Variants in RNF13 observed in about 807,000 individuals in gnomAD.
RNF13 encodes ring finger protein 13.
RNF13 carries 19 observed loss-of-function variants against 37.7 expected under a neutral mutation model. The ratio of observed to expected loss-of-function variants is 0.50; its 90% CI spans 0.35 to 0.74. The LOEUF (loss-of-function observed/expected upper bound fraction) is 0.74, where lower values mean the gene tolerates loss of function less well. RNF13 is among the 30% of genes least tolerant of loss of function. The pLI is 0.01. For missense variants in RNF13, 375 were observed against 453.0 expected, an observed-to-expected ratio of 0.83 and a Z score of 1.56; for synonymous variants, 144 against 157.8, an observed-to-expected ratio of 0.91 and a Z score of 0.65.
intron 3 of RNF13, among the ~76,000 whole-genome samples, chr3:149,858,773 AT>A (rs1432377246): frequency 1.3e-5 from 2 of 152,190 alleles, no homozygotes; most frequent in Admixed American, 6.5e-5. Flanking sequence ...TGTATAATTT[AT>A]TTCCCCTCAT....
chr3:149,863,086 C>T (rs1450202600), intron 3 of RNF13, among the ~76,000 whole-genome samples: 1 of 152,214 alleles, frequency 6.6e-6, no homozygotes, highest in Non-Finnish European at 1.5e-5. Flanking sequence ...ACTATCCCTT[C>T]TTGCCAGTTG....
intron 3 of RNF13, among the ~76,000 whole-genome samples, chr3:149,869,765 T>C (rs945933739): frequency 1.3e-5 from 2 of 151,924 alleles, no homozygotes; most frequent in Non-Finnish European, 2.9e-5. Context: ...TCTGTTCTTC[T>C]CTGTCTGGCT....
chr3:149,900,836 T>TGTGTGC (rs757063464), intron 5 of RNF13, among the ~76,000 whole-genome samples: 49 of 152,152 alleles, frequency 3.2e-4, no homozygotes, highest in Non-Finnish European at 5.9e-4. Flanking sequence ...TGTGCGCGCA[T>TGTGTGC]GTGTGCGTGT....
intron 5 of RNF13, among the ~76,000 whole-genome samples, chr3:149,899,209 G>A (rs1253114369): frequency 6.6e-6 from 1 of 152,200 alleles, no homozygotes; most frequent in Non-Finnish European, 1.5e-5. Flanking sequence ...ACTTTGGGAG[G>A]CCAAGGCGGG....
At chr3:149,898,277 A>G (rs190808614) in intron 5 of RNF13, among the ~76,000 whole-genome samples, 28 of 152,254 alleles carry the variant, frequency 1.8e-4, no homozygotes, top group Admixed American at 5.9e-4. Context: ...AACCAGGTCA[A>G]GTTGTTAATA....
chr3:149,853,155 T>G (rs1197330294), intron 3 of RNF13, among the ~76,000 whole-genome samples: 1 of 152,152 alleles, frequency 6.6e-6, no homozygotes, highest in Non-Finnish European at 1.5e-5. Flanking sequence ...GTCTAGTTTT[T>G]ACTATTACAG....
At chr3:149,954,379 C>T (rs1721651759) in intron 8 of RNF13, among the ~76,000 whole-genome samples, 1 of 151,956 alleles carries the variant, frequency 6.6e-6, no homozygotes, top group African/African-American at 2.4e-5. Context: ...TTAGGGGACT[C>T]TATAACATTT....
chr3:149,848,688 G>C (rs1349229544), intron 2 of RNF13, among the ~76,000 whole-genome samples: 1 of 152,144 alleles, frequency 6.6e-6, no homozygotes, highest in East Asian at 1.9e-4. Context: ...AATGCCAGAT[G>C]CCTTTGATTT....
chr3:149,850,009 T>C (rs1459007990), intron 2 of RNF13, among the ~76,000 whole-genome samples: 10 of 151,814 alleles, frequency 6.6e-5, no homozygotes, highest in Admixed American at 6.6e-4. Flanking sequence ...AGATGGAGTC[T>C]TGCTGTGTTG....
intron 9 of RNF13, among the ~76,000 whole-genome samples, chr3:149,960,341 CA>C (rs201550577): frequency 0.017 from 2,577 of 152,174 alleles, 77 homozygotes; most frequent in African/African-American, 0.058. Flanking sequence ...CCTGTAATCC[CA>C]GCACTTTGGG....
rs535910863 is a variant in RNF13, at chr3:149,889,408, G to A, written c.322-6065G>A. Among the ~76,000 whole-genome samples the A allele has an allele frequency of 4.8e-5, 7 of 147,364 alleles. No homozygotes were observed. The South Asian group carries it at 8.8e-4, about 19-fold the overall frequency. ...CAACCTCCACCTCCTGGATTCAAACGATTCTCCTGCCTCAACCTCCCAAGT... is the reference window on the plus strand; with the variant it reads ...CAACCTCCACCTCCTGGATTCAAACAATTCTCCTGCCTCAACCTCCCAAGT... On this transcript the variant is annotated intron_variant, in intron 4 of 9. Transcript: ENST00000392894.
In RNF13 at chr3:149,846,116, G is replaced by C. The variant is rs1559903080; in HGVS notation, c.90G>C (p.Leu30=). ...AGCTCTTTGCATTCTTAAACCTACTGCCTGTAGAAGCAGACATTTTAGCAG... is the reference window on the plus strand; with the variant it reads ...AGCTCTTTGCATTCTTAAACCTACTCCCTGTAGAAGCAGACATTTTAGCAG... ...TVQLFAFLNL[L]PVEADILAYN... The change falls in exon 2 of 10, where the codon CTG becomes CTC. Residue 30 remains leucine, a synonymous_variant. Coordinates refer to ENST00000392894, the MANE Select transcript of RNF13 (RefSeq NM_183381.3). 5.6e-6 allele frequency: 9 copies of C among 1,611,262 alleles called. No homozygotes were observed. The highest frequency in any genetic ancestry group is 7.6e-6 in the Non-Finnish European group (9 of 1,177,812).
At chr3:149,869,554 C>T (rs890365806) in intron 3 of RNF13, among the ~76,000 whole-genome samples, 1 of 151,190 alleles carries the variant, frequency 6.6e-6, no homozygotes, top group Non-Finnish European at 1.5e-5. Flanking sequence ...TGCAGTGAGC[C>T]GAGATCCCGC....
At chr3:149,827,981 A>AATC (rs1019980114) in intron 1 of RNF13, among the ~76,000 whole-genome samples, 3 of 151,970 alleles carry the variant, frequency 2.0e-5, no homozygotes, top group African/African-American at 7.2e-5. Flanking sequence ...CAGTTGTTAT[A>AATC]ATCAATGGGA....
intron 4 of RNF13, among the ~76,000 whole-genome samples, chr3:149,883,917 G>T (rs1006297584): frequency 5.9e-5 from 9 of 152,026 alleles, no homozygotes; most frequent in African/African-American, 2.2e-4. Context: ...TGTTCTCATT[G>T]TTTAGCTCCC....
intron 8 of RNF13, among the ~76,000 whole-genome samples, chr3:149,933,293 T>G (rs1363976262): frequency 6.6e-6 from 1 of 151,540 alleles, no homozygotes; most frequent in East Asian, 1.9e-4. Context: ...GTCTTGGATA[T>G]TAGCACTTGG....
chr3:149,836,418 T>C (rs993474175), intron 1 of RNF13, among the ~76,000 whole-genome samples: 5 of 152,120 alleles, frequency 3.3e-5, no homozygotes, highest in Admixed American at 1.3e-4. Context: ...ACATGTATTT[T>C]AGTATGGCTA....
intron 6 of RNF13, among the ~76,000 whole-genome samples, chr3:149,905,701 T>G (rs1268709558): frequency 1.3e-5 from 2 of 152,138 alleles, no homozygotes; most frequent in Non-Finnish European, 1.5e-5. Context: ...TTTTGTTCAT[T>G]TGTAATTTAT....
intron 3 of RNF13, among the ~76,000 whole-genome samples, chr3:149,862,596 G>T (rs1221965084): frequency 6.6e-6 from 1 of 151,830 alleles, no homozygotes; most frequent in Non-Finnish European, 1.5e-5. Flanking sequence ...TGAAATTTTT[G>T]TTATTACATA....
Sources: gnomAD v4.1 joint callset for allele counts (sites outside exome capture counted in the v4.1 genomes callset) on GRCh38, gnomAD v4.1.1 for gene constraint, MANE v1.5 for transcripts, NCBI Gene and HGNC (gene_info 2026-07-23, HGNC 2026-07-21) for gene names.